The following ADAMTSL1 variants were observed in gnomAD, a reference collection of about 807,000 sequenced individuals.
ADAMTSL1 encodes ADAMTS-like protein 1.
In ADAMTSL1, 126 loss-of-function variants were observed where a neutral mutation model predicts 201.8. That is an observed-to-expected ratio of 0.62 (90% CI 0.54 to 0.72). ADAMTSL1 has a LOEUF of 0.72. Among genes scored for constraint, ADAMTSL1 ranks in the 30% least tolerant of loss-of-function variants. ADAMTSL1 has a pLI of 0.00. For missense variants in ADAMTSL1, 2,679 were observed against 2,277.8 expected (o/e 1.18, Z -3.59); for synonymous variants, 1,121 against 903.4 (o/e 1.24, Z -4.32).
intron 13 of ADAMTSL1, among the ~76,000 whole-genome samples, chr9:18,702,848 C>T (rs1260898688): frequency 3.3e-5 from 5 of 151,976 alleles, no homozygotes; most frequent in Non-Finnish European, 2.9e-5. Flanking sequence ...CTGCAACCTC[C>T]ACCTCCCGGG....
intron 7 of ADAMTSL1, among the ~76,000 whole-genome samples, chr9:18,640,489 A>G (rs1049577669): frequency 6.6e-6 from 1 of 152,062 alleles, no homozygotes; most frequent in Admixed American, 6.6e-5. Flanking sequence ...AAATTATATA[A>G]CTGGATTCAA....
chr9:18,077,753 A>C (rs956167870), intron 1 of ADAMTSL1, among the ~76,000 whole-genome samples: 3 of 152,210 alleles, frequency 2.0e-5, no homozygotes, highest in African/African-American at 7.2e-5. Context: ...CTTTAAAAAA[A>C]ATGCATATTT....
chr9:18,677,269 C>G (rs1169405991), intron 10 of ADAMTSL1, among the ~76,000 whole-genome samples: 2 of 151,796 alleles, frequency 1.3e-5, no homozygotes, highest in Admixed American at 6.6e-5. Context: ...TTTCCTATGA[C>G]TATATTGATA....
chr9:18,267,661 T>C (rs1037191820), intron 2 of ADAMTSL1, among the ~76,000 whole-genome samples: 33 of 151,714 alleles, frequency 2.2e-4, no homozygotes, highest in African/African-American at 7.0e-4. Context: ...AATAACTCAG[T>C]TCCCAACTCA....
intron 4 of ADAMTSL1, among the ~76,000 whole-genome samples, chr9:18,591,397 T>A (rs1053311864): frequency 2.0e-5 from 3 of 152,190 alleles, no homozygotes; most frequent in African/African-American, 7.2e-5. Flanking sequence ...TCACTTTCAG[T>A]TTGTGTGCCC....
At chr9:18,172,349 G>T (rs1426153884) in intron 2 of ADAMTSL1, among the ~76,000 whole-genome samples, 1 of 151,866 alleles carries the variant, frequency 6.6e-6, no homozygotes, top group Admixed American at 6.6e-5. Context: ...TCATTAGAAG[G>T]ACACATGGAT....
intron 2 of ADAMTSL1, among the ~76,000 whole-genome samples, chr9:18,186,688 A>G (rs530924857): frequency 1.3e-5 from 2 of 152,226 alleles, no homozygotes; most frequent in East Asian, 3.9e-4. Flanking sequence ...TTTGAGCGGG[A>G]TCTCTTTCTG....
At chr9:18,797,829 A>G (rs1822527882) in intron 20 of ADAMTSL1, among the ~76,000 whole-genome samples, 1 of 152,240 alleles carries the variant, frequency 6.6e-6, no homozygotes. Context: ...TTCATACTCA[A>G]TAAATGTAAG....
At chr9:18,831,371 A>T (rs183923309) in intron 23 of ADAMTSL1, among the ~76,000 whole-genome samples, 4 of 152,330 alleles carry the variant, frequency 2.6e-5, no homozygotes, top group Admixed American at 1.3e-4. Context: ...TAGAATCACT[A>T]TGAGAAACTC....
At chr9:18,425,560 A>G (rs1448361789) in intron 2 of ADAMTSL1, among the ~76,000 whole-genome samples, 1 of 152,208 alleles carries the variant, frequency 6.6e-6, no homozygotes, top group Non-Finnish European at 1.5e-5. Context: ...GGTTTAAAAA[A>G]GAAAATTCTC....
At chr9:18,147,771 G>C (rs1341058090) in intron 1 of ADAMTSL1, among the ~76,000 whole-genome samples, 1 of 152,036 alleles carries the variant, frequency 6.6e-6, no homozygotes, top group Admixed American at 6.6e-5. Context: ...TGAGCTTCAG[G>C]GTTCCACATA....
chr9:18,718,228 G>T, intron 14 of ADAMTSL1: 1 of 765,930 alleles, frequency 1.3e-6, no homozygotes. Context: ...TTAACTCAAA[G>T]AATCTGTTCT....
intron 14 of ADAMTSL1, among the ~76,000 whole-genome samples, chr9:18,711,248 A>G (rs1230337490): frequency 6.6e-6 from 1 of 152,250 alleles, no homozygotes; most frequent in Non-Finnish European, 1.5e-5. Flanking sequence ...AGGAGCCAAG[A>G]TGGCCGAATA....
In ADAMTSL1 at chr9:18,138,843, C is replaced by T. The variant is rs185794477; in HGVS notation, c.88-25019C>T. Among the ~76,000 whole-genome samples the T allele has an allele frequency of 1.5e-4, 23 of 152,266 alleles. No homozygotes were observed. The East Asian group carries it at 2.5e-3, about 17-fold the overall frequency. On this transcript the variant is annotated intron_variant, in intron 1 of 29. Coordinates refer to the ADAMTSL1 transcript ENST00000680146. Reference sequence around the variant, plus strand: ...TTGAAATGTCAAGACCAAGATCTAACGCTCTGCCTCAAGTGGATTGCACCA... The same window carrying T: ...TTGAAATGTCAAGACCAAGATCTAATGCTCTGCCTCAAGTGGATTGCACCA...
intron 2 of ADAMTSL1, among the ~76,000 whole-genome samples, chr9:18,213,215 A>ATGG (rs1281826091): frequency 6.6e-6 from 1 of 152,120 alleles, no homozygotes; most frequent in African/African-American, 2.4e-5. Flanking sequence ...ACCTGATTGG[A>ATGG]TGGTACACTA....
In ADAMTSL1 at chr9:18,853,780, T is replaced by A. The variant is rs542136176; in HGVS notation, c.4249+23803T>A. On this transcript the variant is annotated intron_variant, in intron 23 of 28. Coordinates refer to ENST00000380548, the MANE Select transcript of ADAMTSL1 (RefSeq NM_001040272.6). ...CACTGTCTTAATTTTCTCACTGTTATAATTTTTGCAAAAGCGATTTCACAT... is the reference window on the plus strand; with the variant it reads ...CACTGTCTTAATTTTCTCACTGTTAAAATTTTTGCAAAAGCGATTTCACAT... Among the ~76,000 whole-genome samples, 16 of 152,284 alleles carry A rather than the reference T, an allele frequency of 1.1e-4. 1 individual carries two copies. The highest frequency in any genetic ancestry group is 7.2e-4 in the Admixed American group (11 of 15,302).
Position 18,717,074 on chromosome 9 carries a change from G to A in ADAMTSL1, c.1877-4462G>A, listed in dbSNP as rs577743491. ...ACACAGGAAGGGAACATCACACTCT[G>A]GGGACTGTGGTGGGGTGGGGGGACG... is the stretch of plus-strand genomic sequence containing the variant. On this transcript the variant is annotated intron_variant, in intron 14 of 28. Coordinates refer to ENST00000380548, the MANE Select transcript of ADAMTSL1 (RefSeq NM_001040272.6). Among the ~76,000 whole-genome samples the A allele has an allele frequency of 6.0e-4, 87 of 145,640 alleles. 1 individual carries two copies. In the East Asian group the frequency reaches 0.017, roughly 28 times the overall value.
chr9:18,616,505 G>T (rs1825709981), intron 4 of ADAMTSL1, among the ~76,000 whole-genome samples: 1 of 152,122 alleles, frequency 6.6e-6, no homozygotes, highest in Non-Finnish European at 1.5e-5. Context: ...TTTAATTATG[G>T]TGCTCCCGAG....
intron 7 of ADAMTSL1, among the ~76,000 whole-genome samples, chr9:18,650,118 G>A (rs1344186467): frequency 6.6e-6 from 1 of 152,162 alleles, no homozygotes; most frequent in Admixed American, 6.5e-5. Flanking sequence ...CCCAAGCCTC[G>A]CTGCCGCCTT....
Sources: gnomAD v4.1 joint callset for allele counts (sites outside exome capture counted in the v4.1 genomes callset) on GRCh38, gnomAD v4.1.1 for gene constraint, MANE v1.5 for transcripts, NCBI Gene and HGNC (gene_info 2026-07-23, HGNC 2026-07-21) for gene names.